Variants in STARD4 observed in about 807,000 individuals in gnomAD.
The protein encoded by STARD4 is StAR related lipid transfer domain containing 4, also known as stAR-related lipid transfer protein 4.
Under a neutral mutation model 24.9 loss-of-function variants are expected in STARD4, and 33 were observed. That is an observed-to-expected ratio of 1.32 (90% confidence interval 1.00 to 1.77). STARD4 has a LOEUF of 1.77. STARD4 is among the 40% of genes most tolerant of loss of function. The pLI is 0.00. For missense variants in STARD4, 238 were observed against 249.3 expected, an observed-to-expected ratio of 0.95 and a Z score of 0.31; for synonymous variants, 88 against 77.4, an observed-to-expected ratio of 1.14 and a Z score of -0.72.
At chr5:111,504,370 G>C (rs1411145413) in intron 3 of STARD4, among the ~76,000 whole-genome samples, 1 of 151,984 alleles carries the variant, frequency 6.6e-6, no homozygotes, top group Non-Finnish European at 1.5e-5. Context: ...TAAATCCTGA[G>C]AACATAATAT....
chr5:111,501,847 TCTC>T, intron 4 of STARD4, 112 bp downstream of exon 4: 1 of 1,410,542 alleles, frequency 7.1e-7, no homozygotes, highest in Non-Finnish European at 9.6e-7. Context: ...TGACTGCTAT[TCTC>T]AAAGCAATGA....
chr5:111,500,178 C>G, intron 5 of STARD4, 72 bp from the exon 6 acceptor site: 1 of 1,416,608 alleles, frequency 7.1e-7, no homozygotes, highest in East Asian at 2.6e-5. Flanking sequence ...TAAAATATTA[C>G]CAGAATTCTT....
Position 111,499,670 on chromosome 5 carries a change from G to A in STARD4, c.*216C>T, listed in dbSNP as rs1056821533. On this transcript the variant is annotated 3_prime_UTR_variant, in exon 6 of 6. Transcript: ENST00000296632. ...TGCCCTCCAGCATGGGCAACAGAGT[G>A]AGAGCCTGTCTCAAAATTTAAAAAA... 1.3e-5 allele frequency: 7 copies of A among 544,070 alleles called. No individual in the cohort carries two copies. The highest frequency in any genetic ancestry group is 2.3e-5 in the Non-Finnish European group (7 of 305,850). 33.7% of individuals were successfully genotyped at this position (544,070 alleles called of 1,614,324 possible).
At position 111,502,088 on chromosome 5, in the gene STARD4, G is replaced by A. The variant is rs1309586819; in HGVS notation, c.156C>T (p.Leu52=). The A allele has an allele frequency of 1.9e-6, 3 of 1,607,578 alleles. No individual in the cohort carries two copies. The highest frequency in any genetic ancestry group is 1.7e-6 in the Non-Finnish European group (2 of 1,178,022). Residue 52 remains leucine (L), a splice_region_variant and synonymous_variant, in exon 4 of 6, where the codon CTC becomes CTT. Transcript: ENST00000296632. ...CATCTATAACACCTTGGGCTTTGTA[G>A]CTGGAGAAAAAAAGTTTAAGTCAAC... ...RKPSEEFNGY[L]YKAQGVIDDL...
chr5:111,500,665 A>G, intron 5 of STARD4: 1 of 1,288,794 alleles, frequency 7.8e-7, no homozygotes. Flanking sequence ...CACCAAATCT[A>G]GTACTTCTCT....
rs1263428738 is a variant in STARD4 at position 111,507,850 on chromosome 5, GA to G, written c.-9-409del. ...CTACTTAAAGCTTCAAGCCTAAAGG[GA>G]ATCTCTTGCCTCCCCTGGCTTCCCT... On this transcript the variant is annotated intron_variant, in intron 1 of 5. Coordinates refer to ENST00000296632, the MANE Select transcript of STARD4 (RefSeq NM_139164.3). This position sits in a 1 kb window ranked among gnomAD's most constrained non-coding sequence, Gnocchi z 4.4. Among the ~76,000 whole-genome samples, 1 of 152,064 alleles carries G rather than the reference GA, an allele frequency of 6.6e-6. No individual in the cohort carries two copies. Among genetic ancestry groups the G allele is most frequent in the African/African-American group, 2.4e-5 (1 of 41,416 alleles).
chr5:111,501,490 A>G (rs1410131661), intron 4 of STARD4, among the ~76,000 whole-genome samples: 1 of 152,238 alleles, frequency 6.6e-6, no homozygotes, highest in Non-Finnish European at 1.5e-5. Flanking sequence ...AAATTCAAAC[A>G]TTAAGCAATG....
In STARD4 at chr5:111,507,767, A is replaced by C. The variant is rs957331508; in HGVS notation, c.-9-325T>G. Reference sequence around the variant, plus strand: ...TATATAGATATGCTGTTAACTCTCAAACATTTACCTCCAGTCCTCTTTGTT... The same window carrying C: ...TATATAGATATGCTGTTAACTCTCACACATTTACCTCCAGTCCTCTTTGTT... On this transcript the variant is annotated intron_variant, in intron 1 of 5. Coordinates refer to ENST00000296632, the MANE Select transcript of STARD4 (RefSeq NM_139164.3). This position sits in a 1 kb window ranked among gnomAD's most constrained non-coding sequence, Gnocchi z 4.4. Among the ~76,000 whole-genome samples, 2 of 152,138 alleles carry C rather than the reference A, an allele frequency of 1.3e-5. No individual in the cohort carries two copies. Among genetic ancestry groups the C allele is most frequent in the African/African-American group, 4.8e-5 (2 of 41,432 alleles).
rs1336380701 is a variant in STARD4 at position 111,507,949 on chromosome 5, A to G, written c.-9-507T>C. Among the ~76,000 whole-genome samples the G allele has an allele frequency of 6.6e-6, 1 of 152,130 alleles. No homozygotes were observed. Among genetic ancestry groups the G allele is most frequent in the Non-Finnish European group, 1.5e-5 (1 of 67,998 alleles). On this transcript the variant is annotated intron_variant, in intron 1 of 5. Coordinates refer to ENST00000296632, the MANE Select transcript of STARD4 (RefSeq NM_139164.3). The surrounding 1 kb of genome is among the most constrained non-coding windows in gnomAD (Gnocchi z 4.4). ...CAATTGAGCCCAAGTTCTCAAGTCA[A>G]AAGGCTTGGAATTGCCCTTAATAAG...
chr5:111,505,679 G>A (rs1487662102), intron 3 of STARD4, among the ~76,000 whole-genome samples: 2 of 152,074 alleles, frequency 1.3e-5, no homozygotes, highest in Admixed American at 6.6e-5. Context: ...TTAAATCACT[G>A]TTATCTTTCT....
In STARD4 at chr5:111,497,847, C is replaced by T. The variant is rs1170499414; in HGVS notation, c.*2039G>A. 1 of 151,938 alleles carries T rather than the reference C, an allele frequency of 6.6e-6. No homozygotes were observed. The highest frequency in any genetic ancestry group is 1.5e-5 in the Non-Finnish European group (1 of 67,910). 9.4% of individuals were successfully genotyped at this position (151,938 alleles called of 1,614,324 possible). On this transcript the variant is annotated 3_prime_UTR_variant, in exon 6 of 6. Transcript: ENST00000296632. Reference sequence around the variant, plus strand: ...TTCCTGAGCTTAGAATCATGAACACCTCCACTCTTAAAAATGAAACCAAAC... The same window carrying T: ...TTCCTGAGCTTAGAATCATGAACACTTCCACTCTTAAAAATGAAACCAAAC...
Position 111,499,992 on chromosome 5 carries a change from C to T in STARD4, c.512G>A (p.Gly171Glu). Residue 171 changes from glycine (G) to glutamate (E), a missense_variant, in exon 6 of 6, where the codon GGA becomes GAA. Coordinates refer to ENST00000296632, the MANE Select transcript of STARD4 (RefSeq NM_139164.3). ...CCCACGCAGATCTGTCTGAATATAT[C>T]CTGTCAAAAGACTCTGGTTTGGGTT... ...KDNPNQSLLT[G>E]YIQTDLRGMI... 1 of 1,614,116 alleles carries T rather than the reference C, an allele frequency of 6.2e-7. No homozygotes were observed. The highest frequency in any genetic ancestry group is 8.5e-7 in the Non-Finnish European group (1 of 1,180,010).
chr5:111,505,152 C>T (rs950722508), intron 3 of STARD4: 4 of 399,644 alleles, frequency 1.0e-5, no homozygotes, highest in African/African-American at 2.1e-5. Context: ...CTTATTCTTC[C>T]CTTAAGTGTT....
intron 3 of STARD4, among the ~76,000 whole-genome samples, chr5:111,502,624 TCTGTA>T (rs147889922): frequency 0.014 from 2,124 of 150,584 alleles, 50 homozygotes; most frequent in African/African-American, 0.049. Context: ...AGAAACCCAG[TCTGTA>T]CTAAAAATAC....
rs977758656 is a variant in STARD4 at position 111,500,753 on chromosome 5, C to T, written c.397+249G>A. The stretch of plus-strand genomic sequence containing the variant: ...ACTAGAACCCTTTCTTAGAGGCAGT[C>T]ATGTGATCCACATTTGCTACCTCTG... On this transcript the variant is annotated intron_variant, in intron 5 of 5. Transcript: ENST00000296632. 2.1e-6 allele frequency: 3 copies of T among 1,424,020 alleles called. No individual in the cohort carries two copies. In the African/African-American group the frequency reaches 4.3e-5, roughly 21 times the overall value. 88.2% of individuals were successfully genotyped at this position (1,424,020 alleles called of 1,614,324 possible).
chr5:111,509,587 G>A (rs1025306465), intron 1 of STARD4, among the ~76,000 whole-genome samples: 3 of 152,024 alleles, frequency 2.0e-5, no homozygotes, highest in African/African-American at 7.2e-5. Flanking sequence ...AATATTTTCT[G>A]ACAGCAACTC....
chr5:111,504,488 A>G (rs1442126969), intron 3 of STARD4, among the ~76,000 whole-genome samples: 1 of 152,228 alleles, frequency 6.6e-6, no homozygotes, highest in Non-Finnish European at 1.5e-5. Flanking sequence ...GGATATATAA[A>G]TATATGGTCA....
At chr5:111,502,766 C>G (rs906694421) in intron 3 of STARD4, among the ~76,000 whole-genome samples, 3 of 151,318 alleles carry the variant, frequency 2.0e-5, no homozygotes, top group African/African-American at 7.3e-5. Flanking sequence ...GCACTCCAGC[C>G]TGGGCAACAA....
chr5:111,501,381 T>C (rs1305074625), intron 4 of STARD4, among the ~76,000 whole-genome samples: 1 of 152,224 alleles, frequency 6.6e-6, no homozygotes, highest in African/African-American at 2.4e-5. Flanking sequence ...TGTCTTATTC[T>C]ACATAACATT....
Sources: allele counts gnomAD v4.1 joint callset (sites outside exome capture counted in the v4.1 genomes callset), GRCh38; gene constraint gnomAD v4.1.1; non-coding constraint Gnocchi (gnomAD v3.1); transcripts MANE v1.5; gene names NCBI Gene and HGNC (gene_info 2026-07-23, HGNC 2026-07-21).